The following SLC16A5 variants were observed in gnomAD, a reference collection of about 807,000 sequenced individuals.
The protein encoded by SLC16A5 is solute carrier family 16 member 5.
In SLC16A5, 29 loss-of-function variants were observed where a neutral mutation model predicts 33.2. That is an observed-to-expected ratio of 0.87 (90% CI 0.65 to 1.19). The LOEUF (loss-of-function observed/expected upper bound fraction) is 1.19. Ranked by LOEUF, SLC16A5 falls within the 50% of genes most tolerant of loss-of-function variation. SLC16A5 has a pLI of 0.00. For missense variants in SLC16A5, 606 were observed against 678.2 expected (o/e 0.89, Z 1.18); for synonymous variants, 248 against 284.1 (o/e 0.87, Z 1.28).
chr17:75,093,327 C>A, intron 2 of SLC16A5: 1 of 1,341,772 alleles, frequency 7.5e-7, no homozygotes, highest in Non-Finnish European at 1.0e-6. Flanking sequence ...ACCTGCCCTG[C>A]CCCGTCCTGT....
intron 2 of SLC16A5, among the ~76,000 whole-genome samples, chr17:75,092,238 G>A (rs374466220): frequency 1.1e-4 from 17 of 152,058 alleles, no homozygotes; most frequent in East Asian, 9.7e-4. Context: ...GAGTTCGTAT[G>A]TTTGCATTGT....
chr17:75,093,237 C>T, intron 2 of SLC16A5: 1 of 626,738 alleles, frequency 1.6e-6, no homozygotes, highest in Non-Finnish European at 2.8e-6. Flanking sequence ...CAAGTAGTGA[C>T]TGAGTGGGCT....
intron 5 of SLC16A5, among the ~76,000 whole-genome samples, chr17:75,101,676 C>T (rs12946185): frequency 0.32 from 48,008 of 151,306 alleles, 8,094 homozygotes; most frequent in South Asian, 0.42. Flanking sequence ...GCTCTGTCAC[C>T]CAGGCTGGAG....
At chr17:75,106,581 T>G (rs1009620080), downstream of SLC16A5, among the ~76,000 whole-genome samples, 1 of 126,982 alleles carries the variant, frequency 7.9e-6, no homozygotes, top group Non-Finnish European at 1.6e-5. Context: ...AGCAAGACCC[T>G]GTCTTTTTTT....
downstream of SLC16A5, among the ~76,000 whole-genome samples, chr17:75,108,472 G>A (rs1008333971): frequency 1.3e-5 from 2 of 152,208 alleles, no homozygotes; most frequent in Admixed American, 6.5e-5. Flanking sequence ...AAACCTCAGA[G>A]GTGAGGCCTG....
At chr17:75,094,987 C>A (rs2073697022) in intron 3 of SLC16A5, among the ~76,000 whole-genome samples, 1 of 152,192 alleles carries the variant, frequency 6.6e-6, no homozygotes, top group African/African-American at 2.4e-5. Context: ...AGGGAGACTG[C>A]AGAGACCCCG....
intron 2 of SLC16A5, 98 bp from the exon 3 acceptor site, chr17:75,093,491 G>A: frequency 1.3e-6 from 2 of 1,536,614 alleles, no homozygotes; most frequent in African/African-American, 2.7e-5. Context: ...ACTTGGGTAT[G>A]AGGAAGGGAT....
intron 5 of SLC16A5, 43 bp downstream of exon 5, chr17:75,100,859 G>C (rs772642812): frequency 6.7e-7 from 1 of 1,499,806 alleles, no homozygotes; most frequent in East Asian, 2.5e-5. Context: ...TGTGGTAAAA[G>C]GGGAACAGTT....
chr17:75,100,278 G>A lies in SLC16A5; in HGVS notation c.615G>A (p.Pro205=), dbSNP rs753272845. The A allele has an allele frequency of 8.7e-6, 14 of 1,614,044 alleles. No homozygotes were observed. Among genetic ancestry groups the A allele is most frequent in the Admixed American group, 1.7e-5 (1 of 59,998 alleles). Residue 205 remains proline, a synonymous_variant, in exon 5 of 7, where the codon CCG becomes CCA. Coordinates refer to ENST00000329783, the MANE Select transcript of SLC16A5 (RefSeq NM_004695.4). ...SVAPETKECP[P]PPPETPALGC... is the part of the protein sequence containing the mutation. Reference sequence around the variant, plus strand: ...CCCCTGAGACCAAAGAATGTCCCCCGCCACCTCCCGAGACACCTGCACTTG... The same window carrying A: ...CCCCTGAGACCAAAGAATGTCCCCCACCACCTCCCGAGACACCTGCACTTG...
In SLC16A5 at chr17:75,098,363, G is replaced by A. The variant is rs532450564; in HGVS notation, c.343+182G>A. On this transcript the variant is annotated intron_variant, in intron 4 of 6. Transcript: ENST00000329783. ...AGATCACCTGAGGTCAGGGGTTCGA[G>A]ACTAGCCCGGCCAACATGGTGAAAC... is the stretch of plus-strand genomic sequence containing the variant. Among the ~76,000 whole-genome samples, 203 of 152,178 alleles carry A rather than the reference G, an allele frequency of 1.3e-3. 3 individuals carry two copies. The highest frequency in any genetic ancestry group is 2.2e-3 in the Non-Finnish European group (147 of 68,022).
intron 5 of SLC16A5, among the ~76,000 whole-genome samples, chr17:75,103,229 T>G (rs1454305596): frequency 1.3e-5 from 2 of 152,040 alleles, no homozygotes; most frequent in Admixed American, 6.6e-5. Context: ...TTTCACCATG[T>G]TGGCCAGGCT....
intron 3 of SLC16A5, among the ~76,000 whole-genome samples, chr17:75,097,331 T>G (rs879454558): frequency 2.7e-4 from 41 of 152,186 alleles, no homozygotes; most frequent in Admixed American, 7.2e-4. Context: ...TCTATTTTTT[T>G]GGGGTGTGGA....
chr17:75,092,234 G>A (rs767062672), intron 2 of SLC16A5, among the ~76,000 whole-genome samples: 1 of 151,932 alleles, frequency 6.6e-6, no homozygotes, highest in Non-Finnish European at 1.5e-5. Flanking sequence ...GTGTGAGTTC[G>A]TATGTTTGCA....
At chr17:75,108,033 C>T (rs930633514), downstream of SLC16A5, among the ~76,000 whole-genome samples, 1 of 151,962 alleles carries the variant, frequency 6.6e-6, no homozygotes, top group Non-Finnish European at 1.5e-5. Context: ...GAATCTGAGG[C>T]GGAGGTTGTA....
intron 5 of SLC16A5, among the ~76,000 whole-genome samples, chr17:75,102,802 A>C (rs902880031): frequency 2.6e-5 from 4 of 151,098 alleles, no homozygotes; most frequent in African/African-American, 9.7e-5. Flanking sequence ...GTGTGATCTC[A>C]GCTCACTACA....
At chr17:75,109,985 G>A (rs900758320), downstream of SLC16A5, 2 of 337,408 alleles carry the variant, frequency 5.9e-6, no homozygotes, top group African/African-American at 2.2e-5. This position sits in a 1 kb window ranked among gnomAD's most constrained non-coding sequence, Gnocchi z 5.0. Flanking sequence ...GAGCCCAGGA[G>A]CCGGGGACGG....
downstream of SLC16A5, chr17:75,109,935 G>T: frequency 4.2e-6 from 1 of 239,400 alleles, no homozygotes; most frequent in Non-Finnish European, 8.3e-6. This position sits in a 1 kb window ranked among gnomAD's most constrained non-coding sequence, Gnocchi z 5.0. Context: ...CGCCCCTTCG[G>T]GGGTAGGGAC....
intron 2 of SLC16A5, among the ~76,000 whole-genome samples, chr17:75,092,055 G>A (rs1428535923): frequency 2.7e-5 from 4 of 149,876 alleles, no homozygotes; most frequent in East Asian, 4.0e-4. Context: ...GTGTGTGCAC[G>A]CATGCGCAGA....
chr17:75,092,028 G>GGTGTGTGTGTGTGTGTGT (rs535726400), intron 2 of SLC16A5, among the ~76,000 whole-genome samples: 4 of 149,606 alleles, frequency 2.7e-5, no homozygotes, highest in African/African-American at 9.9e-5. Flanking sequence ...ATGTGAGGGG[G>GGTGTGTGTGTGTGTGTGT]GTGTGTGTGT....
Sources: gnomAD v4.1 joint callset for allele counts (sites outside exome capture counted in the v4.1 genomes callset) on GRCh38, gnomAD v4.1.1 for gene constraint, Gnocchi (gnomAD v3.1) non-coding constraint, MANE v1.5 for transcripts, NCBI Gene and HGNC (gene_info 2026-07-23, HGNC 2026-07-21) for gene names.